Variants in CACNG3 observed in about 807,000 individuals in gnomAD.
CACNG3 encodes calcium voltage-gated channel auxiliary subunit gamma 3.
In CACNG3, 3 loss-of-function variants were observed where a neutral mutation model predicts 28.5. The ratio of observed to expected loss-of-function variants is 0.11; its 90% CI spans 0.05 to 0.27. The LOEUF is 0.27. Ranked by LOEUF, CACNG3 falls within the 10% of genes least tolerant of loss-of-function variation. The probability of loss-of-function intolerance (pLI) is 1.00; values close to 1 mark genes in which losing one functional copy is unlikely to be tolerated. For missense variants in CACNG3, 236 were observed against 414.4 expected, an observed-to-expected ratio of 0.57 and a Z score of 3.74; for synonymous variants, 174 against 162.2, an observed-to-expected ratio of 1.07 and a Z score of -0.55.
chr16:24,268,572 A>G (rs558121414), intron 1 of CACNG3, among the ~76,000 whole-genome samples: 5 of 152,380 alleles, frequency 3.3e-5, no homozygotes, highest in African/African-American at 1.2e-4. Flanking sequence ...AAGGTCAAGG[A>G]AAATAAATGG....
At chr16:24,308,063 C>T (rs1263559021) in intron 1 of CACNG3, among the ~76,000 whole-genome samples, 1 of 152,148 alleles carries the variant, frequency 6.6e-6, no homozygotes, top group Admixed American at 6.5e-5. Flanking sequence ...GACTCCCCCA[C>T]GGCACTCTGA....
intron 3 of CACNG3, among the ~76,000 whole-genome samples, chr16:24,358,881 G>T (rs1262360337): frequency 6.6e-6 from 1 of 152,148 alleles, no homozygotes; most frequent in Non-Finnish European, 1.5e-5. Context: ...ATCTGTAAAA[G>T]AGAAATCATT....
At chr16:24,264,192 G>A (rs895834051) in intron 1 of CACNG3, among the ~76,000 whole-genome samples, 4 of 152,260 alleles carry the variant, frequency 2.6e-5, no homozygotes, top group Non-Finnish European at 4.4e-5. Context: ...CACGATGCTT[G>A]TGAAGATGTT....
chr16:24,285,207 C>T (rs1424614061), intron 1 of CACNG3, among the ~76,000 whole-genome samples: 1 of 152,156 alleles, frequency 6.6e-6, no homozygotes, highest in African/African-American at 2.4e-5. Flanking sequence ...ATGGCCCCTG[C>T]TCTCAGGGAC....
At chr16:24,336,383 G>A (rs560583478) in intron 1 of CACNG3, among the ~76,000 whole-genome samples, 9 of 150,400 alleles carry the variant, frequency 6.0e-5, no homozygotes, top group Non-Finnish European at 1.3e-4. Context: ...GCCATTCTCC[G>A]GCCTCAGCCT....
intron 1 of CACNG3, among the ~76,000 whole-genome samples, chr16:24,272,966 A>G (rs1305281631): frequency 6.6e-6 from 1 of 152,124 alleles, no homozygotes; most frequent in African/African-American, 2.4e-5. Flanking sequence ...AGTACCTTTT[A>G]GCTATTTTTC....
intron 1 of CACNG3, among the ~76,000 whole-genome samples, chr16:24,314,733 G>A (rs1023839439): frequency 8.4e-6 from 1 of 119,014 alleles, no homozygotes; most frequent in Non-Finnish European, 1.8e-5. Context: ...TAGGACTCTC[G>A]CCTCCTCCTC....
chr16:24,328,961 C>T (rs1326708447), intron 1 of CACNG3, among the ~76,000 whole-genome samples: 1 of 152,162 alleles, frequency 6.6e-6, no homozygotes, highest in Non-Finnish European at 1.5e-5. Context: ...AGACAGCCCC[C>T]GCCACACCCC....
intron 3 of CACNG3, among the ~76,000 whole-genome samples, chr16:24,360,489 C>A (rs1900091454): frequency 6.6e-6 from 1 of 152,180 alleles, no homozygotes; most frequent in African/African-American, 2.4e-5. Context: ...CAAACAACAG[C>A]TGATCTGAAG....
At chr16:24,325,901 C>A (rs757314468) in intron 1 of CACNG3, among the ~76,000 whole-genome samples, 2 of 152,306 alleles carry the variant, frequency 1.3e-5, no homozygotes, top group African/African-American at 4.8e-5. Context: ...TTCAAATAAG[C>A]GTAAGCAGCC....
chr16:24,298,357 C>T (rs954552715), intron 1 of CACNG3, among the ~76,000 whole-genome samples: 1 of 152,132 alleles, frequency 6.6e-6, no homozygotes, highest in East Asian at 1.9e-4. Flanking sequence ...AGTTAATCCC[C>T]AGTTATTGGG....
chr16:24,314,565 A>C (rs1899320907), intron 1 of CACNG3, among the ~76,000 whole-genome samples: 1 of 152,202 alleles, frequency 6.6e-6, no homozygotes, highest in African/African-American at 2.4e-5. Context: ...ATCTGAACCA[A>C]AGCCCAGTTC....
chr16:24,310,550 C>T (rs949283639), intron 1 of CACNG3, among the ~76,000 whole-genome samples: 22 of 148,270 alleles, frequency 1.5e-4, no homozygotes, highest in African/African-American at 5.6e-4. Context: ...GGTGGCAGAG[C>T]GAGACTCCAT....
At chr16:24,296,469 C>T (rs3785376) in intron 1 of CACNG3, among the ~76,000 whole-genome samples, 11,353 of 152,168 alleles carry the variant, frequency 0.075, 713 homozygotes, top group East Asian at 0.18. Flanking sequence ...AAGCTGCTCA[C>T]GGGACTGTGG....
At chr16:24,284,955 T>C (rs577242343) in intron 1 of CACNG3, among the ~76,000 whole-genome samples, 1 of 151,494 alleles carries the variant, frequency 6.6e-6, no homozygotes, top group South Asian at 2.1e-4. Flanking sequence ...TAGCCAAACA[T>C]CTAGTAGTCT....
intron 2 of CACNG3, among the ~76,000 whole-genome samples, chr16:24,352,178 A>G (rs1899957787): frequency 6.6e-6 from 1 of 152,096 alleles, no homozygotes; most frequent in Non-Finnish European, 1.5e-5. Context: ...ATGAAAGTGC[A>G]GTACCAAATG....
chr16:24,347,799 C>T (rs185164273), intron 2 of CACNG3, among the ~76,000 whole-genome samples: 3 of 152,318 alleles, frequency 2.0e-5, no homozygotes, highest in African/African-American at 7.2e-5. Context: ...GGCTTTGACC[C>T]TTGTTTGACT....
chr16:24,297,515 T>A (rs1156271382), intron 1 of CACNG3, among the ~76,000 whole-genome samples: 3 of 152,138 alleles, frequency 2.0e-5, no homozygotes, highest in Non-Finnish European at 4.4e-5. Flanking sequence ...AGAGGATGCA[T>A]CTACCCGCCC....
In CACNG3 at chr16:24,304,216, G is replaced by A. The variant is rs532582361; in HGVS notation, c.212-42518G>A. Among the ~76,000 whole-genome samples the A allele has an allele frequency of 3.9e-5, 6 of 152,180 alleles. No homozygotes were observed. In the East Asian group the frequency reaches 5.8e-4, roughly 15 times the overall value. On this transcript the variant is annotated intron_variant, in intron 1 of 3. Transcript: ENST00000005284. ...CTTTTAAAATGAGATTTGCTATCTCGAAAGCTTATTAAAGCAGTCATCATG... is the reference window on the plus strand; with the variant it reads ...CTTTTAAAATGAGATTTGCTATCTCAAAAGCTTATTAAAGCAGTCATCATG...
Sources: allele counts gnomAD v4.1 joint callset (sites outside exome capture counted in the v4.1 genomes callset), GRCh38; gene constraint gnomAD v4.1.1; transcripts MANE v1.5; gene names NCBI Gene and HGNC (gene_info 2026-07-23, HGNC 2026-07-21).